HS3ST4: variants seen among roughly 807,000 people sequenced by gnomAD.
HS3ST4 encodes the protein heparan sulfate glucosamine 3-O-sulfotransferase 4.
HS3ST4 carries 17 observed loss-of-function variants against 29.2 expected under a neutral mutation model. The ratio of observed to expected loss-of-function variants is 0.58; its 90% CI spans 0.40 to 0.87. The LOEUF (loss-of-function observed/expected upper bound fraction) is 0.87. Ranked by LOEUF, HS3ST4 falls within the 40% of genes least tolerant of loss-of-function variation. HS3ST4 has a pLI of 0.00. For synonymous variants in HS3ST4, 314 were observed against 285.7 expected (o/e 1.10, Z -1.00); for missense variants, 627 against 634.5 (o/e 0.99, Z 0.13).
At chr16:25,920,721 G>C (rs1303019908) in intron 1 of HS3ST4, among the ~76,000 whole-genome samples, 3 of 150,958 alleles carry the variant, frequency 2.0e-5, no homozygotes, top group Non-Finnish European at 4.4e-5. Context: ...TCCCACCTCA[G>C]CCTCCGAGTA....
intron 1 of HS3ST4, among the ~76,000 whole-genome samples, chr16:25,696,560 G>T (rs2943329): frequency 0.93 from 141,634 of 151,810 alleles, 66,460 homozygotes; most frequent in East Asian, 1. Flanking sequence ...GTGCAGTGGC[G>T]CAATCTCGTC....
intron 1 of HS3ST4, among the ~76,000 whole-genome samples, chr16:25,744,871 A>T (rs1330013284): frequency 6.6e-6 from 1 of 152,174 alleles, no homozygotes; most frequent in African/African-American, 2.4e-5. Flanking sequence ...CTTGCCTTCC[A>T]CCATGATTGT....
intron 1 of HS3ST4, among the ~76,000 whole-genome samples, chr16:26,091,655 G>T (rs1277861283): frequency 6.6e-6 from 1 of 152,148 alleles, no homozygotes; most frequent in East Asian, 1.9e-4. Context: ...ATCCTGGAGA[G>T]ATGCCAAAGT....
intron 1 of HS3ST4, among the ~76,000 whole-genome samples, chr16:26,011,341 C>T (rs907661345): frequency 6.6e-6 from 1 of 152,144 alleles, no homozygotes; most frequent in Admixed American, 6.6e-5. Flanking sequence ...AGGCAGATCA[C>T]CTGAGGTCAG....
intron 1 of HS3ST4, among the ~76,000 whole-genome samples, chr16:26,074,493 C>T (rs1479339792): frequency 1.3e-5 from 2 of 152,062 alleles, no homozygotes; most frequent in African/African-American, 4.8e-5. Context: ...TCTTCCTGTT[C>T]GAATGTCGCT....
chr16:26,059,154 G>A (rs1469571815), intron 1 of HS3ST4, among the ~76,000 whole-genome samples: 1 of 152,188 alleles, frequency 6.6e-6, no homozygotes, highest in Admixed American at 6.5e-5. Context: ...CCTAGAAAAA[G>A]GCGATGGCAG....
intron 1 of HS3ST4, among the ~76,000 whole-genome samples, chr16:26,012,279 G>A (rs1057208597): frequency 7.9e-5 from 12 of 152,246 alleles, no homozygotes; most frequent in South Asian, 2.1e-4. Flanking sequence ...CTTGAGGATC[G>A]GAGAAAGGGG....
chr16:25,866,849 A>AT (rs1188300372), intron 1 of HS3ST4, among the ~76,000 whole-genome samples: 6 of 152,018 alleles, frequency 3.9e-5, no homozygotes, highest in Non-Finnish European at 5.9e-5. Flanking sequence ...ACATTTGCCT[A>AT]TTTTTTAAAA....
intron 1 of HS3ST4, among the ~76,000 whole-genome samples, chr16:26,058,556 C>T (rs576658111): frequency 6.6e-6 from 1 of 152,162 alleles, no homozygotes; most frequent in Non-Finnish European, 1.5e-5. Context: ...GGATTGTGCT[C>T]TCTCCTGCCT....
At chr16:25,981,866 A>G (rs972296093) in intron 1 of HS3ST4, among the ~76,000 whole-genome samples, 1 of 152,186 alleles carries the variant, frequency 6.6e-6, no homozygotes, top group African/African-American at 2.4e-5. Context: ...TACATTTCAG[A>G]TCACAAATGG....
At chr16:26,118,526 G>A (rs1013930104) in intron 1 of HS3ST4, among the ~76,000 whole-genome samples, 7 of 152,244 alleles carry the variant, frequency 4.6e-5, no homozygotes, top group Non-Finnish European at 5.9e-5. Flanking sequence ...CTAGCCATTC[G>A]TAACTACTGG....
Position 26,135,789 on chromosome 16 carries a change from G to T in HS3ST4, c.912G>T (p.Lys304Asn). 3 of 1,613,742 alleles carry T rather than the reference G, an allele frequency of 1.9e-6. No individual in the cohort carries two copies. Among genetic ancestry groups the T allele is most frequent in the Non-Finnish European group, 2.5e-6 (3 of 1,179,910 alleles). Residue 304 changes from lysine to asparagine, a missense_variant, in exon 2 of 2, where the codon AAG becomes AAT. Around this residue, in one of 2 missense-constraint regions of HS3ST4, gnomAD observed 225 missense variants for 293.7 expected, o/e 0.77. Transcript: ENST00000331351. ...CTGACTACACGCAGACACTGTCAAA[G>T]AAACCCGAGATCCCCACCTTTGAGG... is the stretch of plus-strand genomic sequence containing the variant. Reference protein sequence around the residue: ...AISDYTQTLSKKPEIPTFEVL... With the variant: ...AISDYTQTLSNKPEIPTFEVL...
intron 1 of HS3ST4, among the ~76,000 whole-genome samples, chr16:26,118,521 C>T (rs180848457): frequency 6.6e-6 from 1 of 152,298 alleles, no homozygotes. Flanking sequence ...AGCCACTAGC[C>T]ATTCGTAACT....
intron 1 of HS3ST4, among the ~76,000 whole-genome samples, chr16:26,037,988 A>G (rs911428166): frequency 2.0e-5 from 3 of 152,118 alleles, no homozygotes; most frequent in Non-Finnish European, 4.4e-5. Flanking sequence ...AAAGCCTCCA[A>G]TGACTCCCCC....
At chr16:26,005,080 G>C (rs1022586951) in intron 1 of HS3ST4, among the ~76,000 whole-genome samples, 1 of 152,010 alleles carries the variant, frequency 6.6e-6, no homozygotes, top group Non-Finnish European at 1.5e-5. Flanking sequence ...TAAAGAAAAA[G>C]GATTCTCATA....
intron 1 of HS3ST4, among the ~76,000 whole-genome samples, chr16:26,005,305 A>G (rs375946429): frequency 3.3e-5 from 5 of 152,138 alleles, no homozygotes; most frequent in South Asian, 2.1e-4. Flanking sequence ...CCAATAATAT[A>G]ATGAGTTTTA....
chr16:26,043,682 G>A lies in HS3ST4; in HGVS notation c.735-91930G>A, dbSNP rs537530976. On this transcript the variant is annotated intron_variant, in intron 1 of 1. Coordinates refer to ENST00000331351, the MANE Select transcript of HS3ST4 (RefSeq NM_006040.3). ...TTACCAGGGAGACTCTCTGAAACAC[G>A]CGCAGCAATTACAATCTTCCCTTAT... is the stretch of plus-strand genomic sequence containing the variant. Among the ~76,000 whole-genome samples, 17 of 152,212 alleles carry A rather than the reference G, an allele frequency of 1.1e-4. No individual in the cohort carries two copies. In the South Asian group the frequency reaches 2.5e-3, roughly 22 times the overall value.
chr16:25,868,647 G>A (rs1168554674), intron 1 of HS3ST4, among the ~76,000 whole-genome samples: 1 of 152,204 alleles, frequency 6.6e-6, no homozygotes, highest in Non-Finnish European at 1.5e-5. Context: ...GTTCCCTCCA[G>A]CAGCTAAACT....
chr16:26,084,574 C>T (rs1002890099), intron 1 of HS3ST4, among the ~76,000 whole-genome samples: 1 of 152,106 alleles, frequency 6.6e-6, no homozygotes, highest in Non-Finnish European at 1.5e-5. Flanking sequence ...TCTTTATCTC[C>T]TGAGATCCTT....
Sources: gnomAD v4.1 joint callset for allele counts (sites outside exome capture counted in the v4.1 genomes callset) on GRCh38, gnomAD v4.1.1 for gene constraint, gnomAD v4.1.1 regional missense constraint, MANE v1.5 for transcripts, NCBI Gene and HGNC (gene_info 2026-07-23, HGNC 2026-07-21) for gene names.